Variants in DSG1 observed in about 807,000 individuals in gnomAD.
The protein encoded by DSG1 is desmoglein 1, also known as desmoglein-1.
A neutral mutation model predicts 97.5 loss-of-function variants in DSG1; 39 were observed. The ratio of observed to expected loss-of-function variants is 0.40; its 90% CI spans 0.31 to 0.52. DSG1 has a LOEUF of 0.52. Ranked by LOEUF, DSG1 falls within the 20% of genes least tolerant of loss-of-function variation. The pLI, the probability that DSG1 is intolerant of heterozygous loss-of-function variation, is 0.53. For missense variants in DSG1, 1,311 were observed against 1,295.4 expected (o/e 1.01, Z -0.18); for synonymous variants, 475 against 443.4 (o/e 1.07, Z -0.90).
Position 31,339,734 on chromosome 18 carries a change from G to A in DSG1, c.1406-10G>A, listed in dbSNP as rs777502212. ...CTAAAATATTTCTTCCATTTTGAAC[G>A]TTATTACAGATAATCTTCAAAGAAC... On this transcript the variant is annotated splice_polypyrimidine_tract_variant and intron_variant, in intron 10 of 14. Transcript: ENST00000257192. 6.5e-5 allele frequency: 103 copies of A among 1,595,862 alleles called. No homozygotes were observed. In the Admixed American group the frequency reaches 1.3e-3, roughly 19 times the overall value.
intron 9 of DSG1, among the ~76,000 whole-genome samples, chr18:31,337,391 G>A (rs1177691159): frequency 6.6e-6 from 1 of 152,040 alleles, no homozygotes; most frequent in African/African-American, 2.4e-5. Flanking sequence ...CAAGTAGCTG[G>A]GATTACAGGC....
At chr18:31,345,951 G>A (rs761167160) in intron 13 of DSG1, 39 bp from the exon 14 acceptor site, 6 of 1,543,296 alleles carry the variant, frequency 3.9e-6, no homozygotes, top group Admixed American at 1.7e-5. Context: ...GTTTATGATA[G>A]ACTAAAGAAA....
chr18:31,349,172 C>G, intron 14 of DSG1, among the ~76,000 whole-genome samples: 1 of 138,502 alleles, frequency 7.2e-6, no homozygotes, highest in Non-Finnish European at 1.5e-5. Context: ...CCAGTTTCAC[C>G]TTTCTACATA....
At position 31,329,967 on chromosome 18, in the gene DSG1, A is replaced by G. The variant is rs140424661; in HGVS notation, c.448A>G (p.Ile150Val). 18 of 1,613,268 alleles carry G rather than the reference A, an allele frequency of 1.1e-5. No homozygotes were observed. In the Middle Eastern group the frequency reaches 9.9e-4, roughly 88 times the overall value. ...AGAGCTCAGAGTCAGGGTTTTGGAT[A>G]TAAATGACAACCCTCCAGTGTTTTC... ...PLELRVRVLD[I>V]NDNPPVFSMA... The change falls in exon 5 of 15, where the codon ATA becomes GTA. Residue 150 changes from isoleucine (I) to valine (V), a missense_variant. This residue lies in a region of DSG1 where 259 missense variants were observed against 304.1 expected (regional missense o/e 0.85). Coordinates refer to ENST00000257192, the MANE Select transcript of DSG1 (RefSeq NM_001942.4).
At chr18:31,321,477 C>T (rs1053055845) in intron 1 of DSG1, among the ~76,000 whole-genome samples, 8 of 152,114 alleles carry the variant, frequency 5.3e-5, no homozygotes, top group Non-Finnish European at 1.0e-4. Flanking sequence ...TTTCTGTTCA[C>T]GTATTCAGTG....
In DSG1 at chr18:31,343,950, ATAC is replaced by A; in HGVS notation, c.1847_1849del (p.Ile616_Pro617delinsThr). On this transcript the variant is annotated inframe_deletion, in exon 13 of 15. Transcript: ENST00000257192. ...GGATATAACCACTGTCATACCACAA[ATAC>A]CACCTGATAACGCAAATATAATTGA... 6.2e-7 allele frequency: 1 copy of A among 1,613,414 alleles called. No individual in the cohort carries two copies. The highest frequency in any genetic ancestry group is 2.2e-5 in the East Asian group (1 of 44,780).
rs150439970 is a variant in DSG1 at position 31,318,319 on chromosome 18, A to G, written c.19A>G (p.Arg7Gly). 55 of 1,613,488 alleles carry G rather than the reference A, an allele frequency of 3.4e-5. No homozygotes were observed. Among genetic ancestry groups the G allele is most frequent in the Non-Finnish European group, 4.4e-5 (52 of 1,179,514 alleles). The part of the protein sequence containing the change: MDWSFF[R>G]VVAMLFIFLV... The stretch of plus-strand genomic sequence containing the variant: ...AGCAGAGATGGACTGGAGTTTCTTC[A>G]GAGTAGTTGCAATGCTGTTCATTTT... The change falls in exon 1 of 15, where the codon AGA (arginine) becomes GGA (glycine). Residue 7 changes from arginine to glycine, a missense_variant. Coordinates refer to ENST00000257192, the MANE Select transcript of DSG1 (RefSeq NM_001942.4).
At chr18:31,334,533 A>G (rs1042102044) in intron 8 of DSG1, among the ~76,000 whole-genome samples, 1 of 152,186 alleles carries the variant, frequency 6.6e-6, no homozygotes, top group South Asian at 2.1e-4. Context: ...AGAACTTTTT[A>G]AAGCATATTT....
In DSG1 at chr18:31,339,802, T is replaced by C. The variant is rs1194136702; in HGVS notation, c.1464T>C (p.Asn488=). The C allele has an allele frequency of 5.0e-6, 8 of 1,613,304 alleles. No individual in the cohort carries two copies. Among genetic ancestry groups the C allele is most frequent in the South Asian group, 2.2e-5 (2 of 91,022 alleles). Reference sequence around the variant, plus strand: ...ATATTAACATTCAAAGTTTTGGTAATGACGACAGGACTAATACAGAGCCGA... The same window carrying C: ...ATATTAACATTCAAAGTTTTGGTAACGACGACAGGACTAATACAGAGCCGA... The part of the protein sequence containing the change: ...TININIQSFG[N]DDRTNTEPNT... The change falls in exon 11 of 15, where the codon AAT becomes AAC. Residue 488 remains asparagine (N), a synonymous_variant. Coordinates refer to ENST00000257192, the MANE Select transcript of DSG1 (RefSeq NM_001942.4).
At position 31,336,393 on chromosome 18, in the gene DSG1, A is replaced by T. The variant is rs2071752870; in HGVS notation, c.1045A>T (p.Ile349Phe). 3.1e-6 allele frequency: 5 copies of T among 1,613,762 alleles called. No homozygotes were observed. In the East Asian group the frequency reaches 1.1e-4, roughly 36 times the overall value. ...YEAMQSLQLSIGVRNKAEFHH... is the reference protein window; with the variant it reads ...YEAMQSLQLSFGVRNKAEFHH... ...AGCTATGCAGAGTCTGCAACTCAGTATTGGTGTCAGAAATAAAGCTGAATT... is the reference window on the plus strand; with the variant it reads ...AGCTATGCAGAGTCTGCAACTCAGTTTTGGTGTCAGAAATAAAGCTGAATT... The change falls in exon 9 of 15, where the codon ATT becomes TTT. Residue 349 changes from isoleucine (I) to phenylalanine (F), a missense_variant. Around this residue, in one of 3 missense-constraint regions of DSG1, gnomAD observed 1,038 missense variants for 964.6 expected, o/e 1.08. Coordinates refer to ENST00000257192, the MANE Select transcript of DSG1 (RefSeq NM_001942.4).
At chr18:31,334,830 C>T (rs1156422555) in intron 8 of DSG1, among the ~76,000 whole-genome samples, 2 of 152,032 alleles carry the variant, frequency 1.3e-5, no homozygotes, top group Non-Finnish European at 2.9e-5. Flanking sequence ...CCACATTTAC[C>T]TGCAGTAAAA....
chr18:31,355,120 G>A lies in DSG1; in HGVS notation c.2924G>A (p.Gly975Asp). The change falls in exon 15 of 15, where the codon GGC becomes GAC. Residue 975 changes from glycine (G) to aspartate (D), a missense_variant. By Grantham distance (94) the Gly-to-Asp change is moderately conservative. Coordinates refer to ENST00000257192, the MANE Select transcript of DSG1 (RefSeq NM_001942.4). ...SGTTGISGGIGSSGLVGTSMG... is the reference protein window; with the variant it reads ...SGTTGISGGIDSSGLVGTSMG... ...ACCACTGGGATCAGCGGTGGCATAG[G>A]CAGCAGTGGCCTGGTTGGCACCAGC... 6.2e-7 allele frequency: 1 copy of A among 1,613,640 alleles called. No homozygotes were observed. Among genetic ancestry groups the A allele is most frequent in the Non-Finnish European group, 8.5e-7 (1 of 1,179,604 alleles).
At chr18:31,330,202 A>G (rs187607626) in intron 5 of DSG1, among the ~76,000 whole-genome samples, 166 bp downstream of exon 5, 129 of 152,222 alleles carry the variant, frequency 8.5e-4, no homozygotes, top group African/African-American at 2.9e-3. Context: ...ACTGAGGGAC[A>G]CAAGGCGTGA....
At chr18:31,333,519 G>T in intron 6 of DSG1, 70 bp from the exon 7 acceptor site, 1 of 1,602,870 alleles carries the variant, frequency 6.2e-7, no homozygotes, top group South Asian at 1.1e-5. Flanking sequence ...ACTTTTCAAA[G>T]AACTTTACAT....
chr18:31,355,474 C>A lies in DSG1; in HGVS notation c.*128C>A. The stretch of plus-strand genomic sequence containing the variant: ...GTCATCTAGGAGCAAGGTGAGAAAT[C>A]ACAATGAGAAAAATAAATGGAAACA... On this transcript the variant is annotated 3_prime_UTR_variant, in exon 15 of 15. Coordinates refer to ENST00000257192, the MANE Select transcript of DSG1 (RefSeq NM_001942.4). 1 of 925,104 alleles carries A rather than the reference C, an allele frequency of 1.1e-6. No individual in the cohort carries two copies. The highest frequency in any genetic ancestry group is 1.7e-6 in the Non-Finnish European group (1 of 593,576). The allele number at this position is 925,104 out of a possible 1,614,324, so 57.3% of individuals were successfully genotyped here.
rs781501684 is a variant in DSG1 at position 31,343,526 on chromosome 18, A to G, written c.1764A>G (p.Glu588=). ...CAGCTGGCTTTGAGCCTGTTCCCGA[A>G]TGTTCAGATGGAGCAATTCATTCAT... ...RSAAGFEPVP[E]CSDGAIHSWA... The change falls in exon 12 of 15, where the codon GAA becomes GAG. Residue 588 remains glutamate (E), a synonymous_variant. Transcript: ENST00000257192. 6.2e-7 allele frequency: 1 copy of G among 1,614,108 alleles called. No homozygotes were observed. Among genetic ancestry groups the G allele is most frequent in the Admixed American group, 1.7e-5 (1 of 60,018 alleles).
At chr18:31,326,451 T>C in intron 1 of DSG1, 130 bp from the exon 2 acceptor site, 1 of 738,454 alleles carries the variant, frequency 1.4e-6, no homozygotes, top group South Asian at 1.9e-5. Context: ...CCACCTGCTA[T>C]TTGGCTGATA....
chr18:31,325,836 T>C (rs1017971332), intron 1 of DSG1, among the ~76,000 whole-genome samples: 3 of 152,218 alleles, frequency 2.0e-5, no homozygotes, highest in African/African-American at 7.2e-5. Flanking sequence ...TTGAATTATA[T>C]TTAGCCATAG....
chr18:31,355,317 A>C lies in DSG1; in HGVS notation c.3121A>C (p.Lys1041Gln). 6.2e-7 allele frequency: 1 copy of C among 1,614,182 alleles called. No individual in the cohort carries two copies. Among genetic ancestry groups the C allele is most frequent in the Admixed American group, 1.7e-5 (1 of 60,022 alleles). The change falls in exon 15 of 15, where the codon AAG (lysine) becomes CAG (glutamine). Residue 1041 changes from lysine (K) to glutamine (Q), a missense_variant. Physicochemically the swap from Lys to Gln is moderately conservative, Grantham distance 53. This residue lies in a region of DSG1 where 1,038 missense variants were observed against 964.6 expected (regional missense o/e 1.08). Transcript: ENST00000257192. ...SPSTARSRIT[K>Q]YSTVQYSK Reference sequence around the variant, plus strand: ...TAGCACAGCTCGAAGTCGAATCACAAAGTATAGTACCGTGCAATATAGCAA... The same window carrying C: ...TAGCACAGCTCGAAGTCGAATCACACAGTATAGTACCGTGCAATATAGCAA...
Sources: allele counts gnomAD v4.1 joint callset (sites outside exome capture counted in the v4.1 genomes callset), GRCh38; gene constraint gnomAD v4.1.1; regional missense constraint gnomAD v4.1.1; transcripts MANE v1.5; gene names NCBI Gene and HGNC (gene_info 2026-07-23, HGNC 2026-07-21).